Variants in MKRN1 observed in about 807,000 individuals in gnomAD.
MKRN1 encodes E3 ubiquitin-protein ligase makorin-1.
In MKRN1, 9 loss-of-function variants were observed where a neutral mutation model predicts 55.5. The observed-to-expected ratio is 0.16, with a 90% confidence interval of 0.10 to 0.28. The LOEUF is 0.28. MKRN1 is among the 10% of genes least tolerant of loss of function. The pLI, the probability that MKRN1 is intolerant of heterozygous loss-of-function variation, is 1.00. For missense variants in MKRN1, 488 were observed against 626.7 expected (o/e 0.78, Z 2.36); for synonymous variants, 253 against 235.9 (o/e 1.07, Z -0.66).
At chr7:140,456,372 C>G in intron 5 of MKRN1, 1 of 1,288,350 alleles carries the variant, frequency 7.8e-7, no homozygotes, top group South Asian at 1.7e-5. Context: ...AGTTTGTTCA[C>G]TGAGCCTAAA....
At chr7:140,467,795 G>C (rs1186899723) in intron 2 of MKRN1, among the ~76,000 whole-genome samples, 1 of 151,708 alleles carries the variant, frequency 6.6e-6, no homozygotes, top group Non-Finnish European at 1.5e-5. Context: ...CTGAAGCCAG[G>C]AGTTCAAGAC....
chr7:140,464,704 T>C (rs1383363741), intron 2 of MKRN1, among the ~76,000 whole-genome samples: 1 of 150,742 alleles, frequency 6.6e-6, no homozygotes, highest in Non-Finnish European at 1.5e-5. Flanking sequence ...AAACTCAGTC[T>C]CAAAAAAACA....
chr7:140,479,451 A>T lies in MKRN1; in HGVS notation c.-107T>A, dbSNP rs12539598. ...GGCCAGGCGAGGGGAGGGGAAGGAC[A>T]CTGAGGCACCCGTTCGGTCCCCGCC... On this transcript the variant is annotated 5_prime_UTR_variant, in exon 1 of 8. Transcript: ENST00000255977. 4.4e-6 allele frequency: 5 copies of T among 1,146,066 alleles called. No homozygotes were observed. The African/African-American group carries it at 8.0e-5, about 18-fold the overall frequency. 71.0% of individuals were successfully genotyped at this position (1,146,066 alleles called of 1,614,324 possible).
chr7:140,477,035 T>C (rs1585502274), intron 1 of MKRN1, among the ~76,000 whole-genome samples: 1 of 148,502 alleles, frequency 6.7e-6, no homozygotes, highest in Admixed American at 6.7e-5. Flanking sequence ...GAGGCGGGGG[T>C]TGTGGTAAGT....
At chr7:140,476,537 C>A (rs1362219985) in intron 1 of MKRN1, among the ~76,000 whole-genome samples, 5 of 128,608 alleles carry the variant, frequency 3.9e-5, no homozygotes, top group African/African-American at 1.7e-4. Context: ...TGGTAATTTA[C>A]AAGTTTTGTT....
At chr7:140,458,916 A>T in intron 4 of MKRN1, 91 bp downstream of exon 4, 1 of 1,355,074 alleles carries the variant, frequency 7.4e-7, no homozygotes. Flanking sequence ...TCAATTCATC[A>T]AATGTTTCTC....
intron 1 of MKRN1, among the ~76,000 whole-genome samples, chr7:140,473,063 C>T (rs191707654): frequency 1.1e-4 from 17 of 151,606 alleles, no homozygotes; most frequent in South Asian, 4.2e-4. Flanking sequence ...TGAGCCACTG[C>T]GCTCCAGCCT....
Position 140,454,184 on chromosome 7 carries a change from G to A in MKRN1, c.*333C>T, listed in dbSNP as rs1248150141. ...GGCCACTGCTTTTACTTTTGAACCT[G>A]GGGTCCTCAAAATGAGTGTGTGAAA... On this transcript the variant is annotated 3_prime_UTR_variant, in exon 8 of 8. Transcript: ENST00000255977. 3.1e-6 allele frequency: 1 copy of A among 325,020 alleles called. No homozygotes were observed. The highest frequency in any genetic ancestry group is 6.0e-6 in the Non-Finnish European group (1 of 167,476). The allele number at this position is 325,020 out of a possible 1,614,324, so 20.1% of individuals were successfully genotyped here. A position where few individuals can be genotyped will look rare whatever the true frequency, so the allele number is the denominator to read the frequency against.
rs552760910 is a variant in MKRN1, at chr7:140,463,762, G to A, written c.315-3826C>T. ...TAGCCGGGCGTGGTGGCAGGCGCCT[G>A]TAGTCCCAGCTACTCGGGAGGCTGA... On this transcript the variant is annotated intron_variant, in intron 2 of 7. Transcript: ENST00000255977. Among the ~76,000 whole-genome samples, 12 of 152,176 alleles carry A rather than the reference G, an allele frequency of 7.9e-5. No homozygotes were observed. The South Asian group carries it at 1.7e-3, about 21-fold the overall frequency.
At chr7:140,476,855 A>G (rs1445293596) in intron 1 of MKRN1, among the ~76,000 whole-genome samples, 1 of 152,084 alleles carries the variant, frequency 6.6e-6, no homozygotes, top group East Asian at 1.9e-4. Flanking sequence ...TGAGGCCGGC[A>G]GATCACCTGA....
At chr7:140,472,232 C>T (rs570183348) in intron 1 of MKRN1, 43 of 513,760 alleles carry the variant, frequency 8.4e-5, no homozygotes, top group Admixed American at 1.0e-4. Context: ...ACCAGCGGTT[C>T]GAGACCAGCC....
chr7:140,462,359 T>C (rs1206440930), intron 2 of MKRN1, among the ~76,000 whole-genome samples: 2 of 152,232 alleles, frequency 1.3e-5, no homozygotes, highest in East Asian at 1.9e-4. Flanking sequence ...TAATTATGCA[T>C]ATAGTAAATT....
intron 2 of MKRN1, among the ~76,000 whole-genome samples, chr7:140,466,900 T>C (rs1254560554): frequency 6.6e-6 from 1 of 150,864 alleles, no homozygotes; most frequent in Non-Finnish European, 1.5e-5. Flanking sequence ...CACTCTAACC[T>C]GGGCAAGAGG....
chr7:140,456,335 C>T, intron 5 of MKRN1: 1 of 1,224,652 alleles, frequency 8.2e-7, no homozygotes, highest in East Asian at 4.6e-5. Flanking sequence ...TGTAAAACGT[C>T]AGGAAACATA....
chr7:140,478,678 G>C (rs763107303), intron 1 of MKRN1: 2 of 152,938 alleles, frequency 1.3e-5, no homozygotes, highest in Middle Eastern at 3.4e-3. Flanking sequence ...AGAGAGGAGA[G>C]GGCCGGGAGC....
intron 1 of MKRN1, among the ~76,000 whole-genome samples, chr7:140,476,871 G>A (rs1230335984): frequency 2.0e-5 from 3 of 152,004 alleles, no homozygotes; most frequent in Non-Finnish European, 4.4e-5. Context: ...CCTGAGGTCG[G>A]GAGTTCAAGA....
intron 1 of MKRN1, chr7:140,474,545 G>A (rs1795062835): frequency 5.2e-6 from 1 of 193,828 alleles, no homozygotes. Flanking sequence ...ATGTGATGGT[G>A]AATCATGGTA....
chr7:140,463,885 T>A (rs183512341), intron 2 of MKRN1, among the ~76,000 whole-genome samples: 7 of 150,604 alleles, frequency 4.6e-5, no homozygotes, highest in Admixed American at 2.0e-4. Flanking sequence ...CAAGACTCCA[T>A]CTCAAAAAAA....
rs1794379795 is a variant in MKRN1, at chr7:140,453,242, C to G, written c.*1275G>C. 1 of 152,556 alleles carries G rather than the reference C, an allele frequency of 6.6e-6. No individual in the cohort carries two copies. Among genetic ancestry groups the G allele is most frequent in the South Asian group, 2.1e-4 (1 of 4,832 alleles). 9.5% of individuals were successfully genotyped at this position (152,556 alleles called of 1,614,324 possible). A position where few individuals can be genotyped will look rare whatever the true frequency, so the allele number is the denominator to read the frequency against. The stretch of plus-strand genomic sequence containing the variant: ...TTTCAGGAAACAGAGCAACAAAACA[C>G]AAAGGTACAATTTCCAATCAAGGAA... On this transcript the variant is annotated 3_prime_UTR_variant, in exon 8 of 8. Coordinates refer to ENST00000255977, the MANE Select transcript of MKRN1 (RefSeq NM_013446.4).
Sources: gnomAD v4.1 joint callset for allele counts (sites outside exome capture counted in the v4.1 genomes callset) on GRCh38, gnomAD v4.1.1 for gene constraint, MANE v1.5 for transcripts, NCBI Gene and HGNC (gene_info 2026-07-23, HGNC 2026-07-21) for gene names.